PRRG1: variants seen among roughly 807,000 people sequenced by gnomAD.
PRRG1 encodes transmembrane gamma-carboxyglutamic acid protein 1.
Under a neutral mutation model 11.8 loss-of-function variants are expected in PRRG1, and 5 were observed. The observed-to-expected ratio is 0.42, with a 90% CI of 0.22 to 0.89. The LOEUF is 0.89. Among genes scored for constraint, PRRG1 ranks in the 40% least tolerant of loss-of-function variants. PRRG1 has a pLI of 0.28. For missense variants in PRRG1, 155 were observed against 166.1 expected (o/e 0.93, Z 0.37); for synonymous variants, 66 against 60.4 (o/e 1.09, Z -0.43).
chrX:37,376,989 T>C, intron 1 of PRRG1, among the ~76,000 whole-genome samples: 1 of 111,098 alleles, frequency 9.0e-6, no homozygotes, highest in East Asian at 2.8e-4. Flanking sequence ...ATTCAGTAAA[T>C]ACTAGTTGAA....
chrX:37,387,983 A>G (rs1429575206), intron 1 of PRRG1, among the ~76,000 whole-genome samples: 1 of 112,131 alleles, frequency 8.9e-6, no homozygotes, highest in African/African-American at 3.2e-5. Flanking sequence ...GGAGAAATCA[A>G]TCAAAAGAAA....
chrX:37,418,918 C>A (rs1932579472), intron 2 of PRRG1, among the ~76,000 whole-genome samples: 1 of 111,975 alleles, frequency 8.9e-6, no homozygotes, highest in Middle Eastern at 4.2e-3. Context: ...CAGGCTCCTG[C>A]ACATGGATAG....
In PRRG1 at chrX:37,452,817, G is replaced by A. The variant is rs189675435; in HGVS notation, c.172-319G>A. Among the ~76,000 whole-genome samples, 29 of 112,206 alleles carry A rather than the reference G, an allele frequency of 2.6e-4. No individual in the cohort carries two copies. In the East Asian group the frequency reaches 7.5e-3, roughly 29 times the overall value. On this transcript the variant is annotated intron_variant, in intron 3 of 3. Transcript: ENST00000378628. ...ACATATTTTAACAGTAAATTATTTGGTATAGTTAGTAAAGGGGAAAACCCT... is the reference window on the plus strand; with the variant it reads ...ACATATTTTAACAGTAAATTATTTGATATAGTTAGTAAAGGGGAAAACCCT...
chrX:37,388,017 C>T (rs1438019923), intron 1 of PRRG1, among the ~76,000 whole-genome samples: 1 of 112,002 alleles, frequency 8.9e-6, no homozygotes, highest in East Asian at 2.8e-4. Flanking sequence ...CCATGCAAGT[C>T]TGAAATCCAG....
At chrX:37,362,145 A>C (rs1212814983) in intron 1 of PRRG1, among the ~76,000 whole-genome samples, 1 of 112,425 alleles carries the variant, frequency 8.9e-6, no homozygotes, top group African/African-American at 3.2e-5. Context: ...CAGTCTAAAA[A>C]TACAAATATT....
intron 1 of PRRG1, among the ~76,000 whole-genome samples, chrX:37,399,420 C>A (rs1312566154): frequency 1.8e-5 from 2 of 108,407 alleles, no homozygotes; most frequent in African/African-American, 6.8e-5. Flanking sequence ...ACTTTACAGA[C>A]AAGCAAATGC....
rs1471238283 is a variant in PRRG1 at position 37,453,731 on chromosome X, C to T, written c.*110C>T. 8.3e-5 allele frequency: 62 copies of T among 743,865 alleles called. No homozygotes were observed. In the African/African-American group the frequency reaches 9.0e-4, roughly 11 times the overall value. The allele number at this position is 743,865 out of a possible 1,213,427, so 61.3% of individuals were successfully genotyped here. A position where few individuals can be genotyped will look rare whatever the true frequency, so the allele number is the denominator to read the frequency against. On this transcript the variant is annotated 3_prime_UTR_variant, in exon 4 of 4. Transcript: ENST00000378628. The stretch of plus-strand genomic sequence containing the variant: ...TTGACTTATTTTATTGGACTCTTAC[C>T]GCATACCACTTCACACTTGTTTTAT...
At chrX:37,360,647 T>G (rs1406223039) in intron 1 of PRRG1, among the ~76,000 whole-genome samples, 1 of 112,499 alleles carries the variant, frequency 8.9e-6, no homozygotes, top group African/African-American at 3.2e-5. Context: ...ACGAAGTAGT[T>G]TATATATGTC....
At chrX:37,389,517 G>T (rs1294892569) in intron 1 of PRRG1, among the ~76,000 whole-genome samples, 1 of 111,328 alleles carries the variant, frequency 9.0e-6, no homozygotes, top group African/African-American at 3.3e-5. Flanking sequence ...ATGGTGGAAG[G>T]TGAAGGGCAG....
chrX:37,372,906 T>C (rs1174207482), intron 1 of PRRG1, among the ~76,000 whole-genome samples: 1 of 112,808 alleles, frequency 8.9e-6, no homozygotes, highest in Admixed American at 9.4e-5. Flanking sequence ...TTATGTTTTC[T>C]ACTAGTAGGT....
At chrX:37,413,530 T>C (rs1932408279) in intron 2 of PRRG1, among the ~76,000 whole-genome samples, 1 of 111,648 alleles carries the variant, frequency 9.0e-6, no homozygotes, top group African/African-American at 3.3e-5. Context: ...CTGTATCATA[T>C]GGTAAGAGTA....
At chrX:37,395,278 G>A (rs1398313211) in intron 1 of PRRG1, among the ~76,000 whole-genome samples, 1 of 111,671 alleles carries the variant, frequency 9.0e-6, no homozygotes, top group African/African-American at 3.3e-5. Flanking sequence ...TGTATATAAC[G>A]TGTCATCATT....
chrX:37,421,268 T>C (rs1556386986), intron 2 of PRRG1, among the ~76,000 whole-genome samples: 2 of 111,915 alleles, frequency 1.8e-5, no homozygotes, highest in East Asian at 5.6e-4. Context: ...TTAATAAGAG[T>C]ATTTCCTAAC....
chrX:37,392,095 G>A (rs1467023177), intron 1 of PRRG1, among the ~76,000 whole-genome samples: 1 of 110,991 alleles, frequency 9.0e-6, no homozygotes, highest in African/African-American at 3.3e-5. Flanking sequence ...TCCATGAACT[G>A]AGAATGGTTT....
At chrX:37,381,141 G>A (rs1490843550) in intron 1 of PRRG1, among the ~76,000 whole-genome samples, 1 of 111,524 alleles carries the variant, frequency 9.0e-6, no homozygotes, top group Admixed American at 9.5e-5. Context: ...TGTTTATAGA[G>A]TGACCATCTG....
At chrX:37,355,990 T>C (rs1391508312) in intron 1 of PRRG1, among the ~76,000 whole-genome samples, 1 of 112,414 alleles carries the variant, frequency 8.9e-6, no homozygotes, top group Non-Finnish European at 1.9e-5. Flanking sequence ...ATTCAGTTAT[T>C]CAACAAATAT....
chrX:37,415,592 A>G (rs1208950865), intron 2 of PRRG1, among the ~76,000 whole-genome samples: 3 of 111,520 alleles, frequency 2.7e-5, no homozygotes, highest in Non-Finnish European at 5.6e-5. Flanking sequence ...TACAATTGCT[A>G]CATTCTTTTT....
Position 37,388,603 on chromosome X carries a change from A to G in PRRG1, c.-41-17606A>G, listed in dbSNP as rs927563442. Among the ~76,000 whole-genome samples, 5 of 113,239 alleles carry G rather than the reference A, an allele frequency of 4.4e-5. No individual in the cohort carries two copies. The East Asian group carries it at 1.4e-3, about 32-fold the overall frequency. ...CACGACTGAAGCTGGAGCAACTGCG[A>G]TGTCGGGAGCAGTGTCCCCCGGCTG... On this transcript the variant is annotated intron_variant, in intron 1 of 3. Coordinates refer to ENST00000378628, the MANE Select transcript of PRRG1 (RefSeq NM_001142395.2).
chrX:37,402,733 A>G (rs1259236677), intron 1 of PRRG1, among the ~76,000 whole-genome samples: 2 of 111,718 alleles, frequency 1.8e-5, no homozygotes, highest in African/African-American at 3.3e-5. Flanking sequence ...CAACCTACTC[A>G]TCTGACAAAG....
Sources: gnomAD v4.1 joint callset for allele counts (sites outside exome capture counted in the v4.1 genomes callset) on GRCh38, gnomAD v4.1.1 for gene constraint, MANE v1.5 for transcripts, NCBI Gene and HGNC (gene_info 2026-07-23, HGNC 2026-07-21) for gene names.